The following KIAA1217 variants were observed in gnomAD, a reference collection of about 807,000 sequenced individuals.
KIAA1217 encodes the protein sickle tail protein homolog.
In KIAA1217, 88 loss-of-function variants were observed where a neutral mutation model predicts 163.9. That is an observed-to-expected ratio of 0.54 (90% CI 0.45 to 0.64). The LOEUF is 0.64. Among genes scored for constraint, KIAA1217 ranks in the 30% least tolerant of loss-of-function variants. KIAA1217 has a pLI of 0.00. For synonymous variants in KIAA1217, 903 were observed against 923.1 expected, an observed-to-expected ratio of 0.98 and a Z score of 0.39; for missense variants, 2,372 against 2,475.0, an observed-to-expected ratio of 0.96 and a Z score of 0.88.
At chr10:23,909,969 CTT>C (rs1353967182) in intron 1 of KIAA1217, among the ~76,000 whole-genome samples, 6 of 152,156 alleles carry the variant, frequency 3.9e-5, no homozygotes, top group African/African-American at 1.4e-4. Context: ...CGTTTCCTGA[CTT>C]TTGAATGATC....
At chr10:23,782,237 CATTA>C (rs1835291233) in intron 1 of KIAA1217, among the ~76,000 whole-genome samples, 1 of 151,992 alleles carries the variant, frequency 6.6e-6, no homozygotes, top group South Asian at 2.1e-4. Context: ...CATTTTCTTT[CATTA>C]GTCATTTAAT....
chr10:23,853,747 G>T (rs1176248969), intron 1 of KIAA1217, among the ~76,000 whole-genome samples: 1 of 152,166 alleles, frequency 6.6e-6, no homozygotes, highest in Admixed American at 6.5e-5. Flanking sequence ...TCTTGGGAGG[G>T]TGTGTGTGTC....
intron 1 of KIAA1217, among the ~76,000 whole-genome samples, chr10:23,700,454 T>C (rs1321399758): frequency 6.6e-6 from 1 of 151,974 alleles, no homozygotes; most frequent in East Asian, 1.9e-4. Flanking sequence ...AGGCAAATAA[T>C]GTGACTCCTC....
At chr10:24,164,160 G>C (rs2065239404) in intron 2 of KIAA1217, among the ~76,000 whole-genome samples, 1 of 152,112 alleles carries the variant, frequency 6.6e-6, no homozygotes, top group Non-Finnish European at 1.5e-5. Flanking sequence ...CAACCTCTTG[G>C]GAGACTGAAC....
At chr10:24,536,118 ACT>A (rs1215994913) in intron 16 of KIAA1217, among the ~76,000 whole-genome samples, 1 of 152,124 alleles carries the variant, frequency 6.6e-6, no homozygotes, top group Non-Finnish European at 1.5e-5. Flanking sequence ...TTGTCTGAGA[ACT>A]GACCTTCCTG....
At chr10:24,428,113 A>G (rs1343397075) in intron 3 of KIAA1217, among the ~76,000 whole-genome samples, 2 of 152,162 alleles carry the variant, frequency 1.3e-5, no homozygotes, top group African/African-American at 4.8e-5. Context: ...CAGAATGCAG[A>G]TGTGGGGATG....
At chr10:24,378,416 C>G (rs1433356934) in intron 2 of KIAA1217, among the ~76,000 whole-genome samples, 1 of 152,170 alleles carries the variant, frequency 6.6e-6, no homozygotes, top group Non-Finnish European at 1.5e-5. Flanking sequence ...CACCTACACT[C>G]TTCCTCCTCC....
chr10:24,452,335 A>G (rs187227376), intron 5 of KIAA1217, among the ~76,000 whole-genome samples: 1,792 of 152,080 alleles, frequency 0.012, 20 homozygotes, highest in Non-Finnish European at 0.021. Context: ...ACTAATAATA[A>G]TTTTTTAAAA....
intron 1 of KIAA1217, among the ~76,000 whole-genome samples, chr10:23,979,052 G>A (rs1439610008): frequency 6.6e-6 from 1 of 152,126 alleles, no homozygotes; most frequent in African/African-American, 2.4e-5. Context: ...GGATCATCAG[G>A]TAAGGAATAC....
intron 1 of KIAA1217, among the ~76,000 whole-genome samples, chr10:23,942,964 C>T (rs945032173): frequency 2.9e-5 from 4 of 135,646 alleles, no homozygotes; most frequent in Non-Finnish European, 4.8e-5. Flanking sequence ...AAAAAAAAAA[C>T]TAAAAAAATT....
chr10:24,491,051 G>T (rs781382749), intron 6 of KIAA1217, among the ~76,000 whole-genome samples: 2 of 152,134 alleles, frequency 1.3e-5, no homozygotes, highest in Admixed American at 6.5e-5. Flanking sequence ...TTTGGGAGTT[G>T]TCTCTCTCTG....
chr10:24,182,703 A>G (rs1052823801), intron 2 of KIAA1217, among the ~76,000 whole-genome samples: 3 of 152,196 alleles, frequency 2.0e-5, no homozygotes, highest in Admixed American at 2.0e-4. Context: ...GTGAGTTCAG[A>G]CATACTTGAG....
At chr10:23,838,871 T>C (rs1469374152) in intron 1 of KIAA1217, among the ~76,000 whole-genome samples, 2 of 152,224 alleles carry the variant, frequency 1.3e-5, no homozygotes, top group Non-Finnish European at 2.9e-5. Context: ...AAGTATTCTA[T>C]CTTATGAGTT....
At chr10:23,871,526 T>G (rs2131163210) in intron 1 of KIAA1217, among the ~76,000 whole-genome samples, 1 of 152,154 alleles carries the variant, frequency 6.6e-6, no homozygotes, top group South Asian at 2.1e-4. Flanking sequence ...CTCTTCATCT[T>G]TCACCACTAC....
intron 2 of KIAA1217, among the ~76,000 whole-genome samples, chr10:24,184,563 A>G (rs1220090978): frequency 2.6e-5 from 4 of 152,218 alleles, no homozygotes; most frequent in African/African-American, 9.6e-5. Flanking sequence ...ACAGTCCTCA[A>G]GTATATGTTA....
rs186263210 is a variant in KIAA1217 at position 24,454,092 on chromosome 10, A to G, written c.846+15613A>G. ...ATTGGCAAAAAAAAAGAAAAACGAA[A>G]AAAAACCATTTTGATGTCCAAATGA... is the stretch of plus-strand genomic sequence containing the variant. On this transcript the variant is annotated intron_variant, in intron 5 of 20. Transcript: ENST00000376454. Among the ~76,000 whole-genome samples the G allele has an allele frequency of 2.2e-4, 34 of 152,308 alleles. 1 individual carries two copies. In the East Asian group the frequency reaches 6.4e-3, roughly 29 times the overall value.
chr10:23,714,871 A>C (rs1406473035), intron 1 of KIAA1217, among the ~76,000 whole-genome samples: 2 of 151,986 alleles, frequency 1.3e-5, no homozygotes, highest in Non-Finnish European at 2.9e-5. Context: ...CCTCACCATT[A>C]CCCCAAGACC....
intron 2 of KIAA1217, among the ~76,000 whole-genome samples, chr10:24,230,502 GTTTT>G (rs71397936): frequency 1.1e-5 from 1 of 90,606 alleles, no homozygotes; most frequent in Non-Finnish European, 1.9e-5. Context: ...TATTTGTTTT[GTTTT>G]TTTTTTTTTT....
chr10:24,206,692 T>G (rs1232202487), upstream of KIAA1217, among the ~76,000 whole-genome samples: 2 of 152,258 alleles, frequency 1.3e-5, no homozygotes, highest in Non-Finnish European at 2.9e-5. Context: ...CATAAATACA[T>G]GTCTAGGTTT....
Sources: gnomAD v4.1 joint callset for allele counts (sites outside exome capture counted in the v4.1 genomes callset) on GRCh38, gnomAD v4.1.1 for gene constraint, MANE v1.5 for transcripts, NCBI Gene and HGNC (gene_info 2026-07-23, HGNC 2026-07-21) for gene names.